Variants in LNP1 observed in about 807,000 individuals in gnomAD.
LNP1 encodes leukemia NUP98 fusion partner 1.
Under a neutral mutation model 14.5 loss-of-function variants are expected in LNP1, and 12 were observed. The observed-to-expected ratio is 0.83, with a 90% CI of 0.53 to 1.34. LNP1 has a LOEUF of 1.34. LNP1 is among the 40% of genes most tolerant of loss of function. The probability of loss-of-function intolerance (pLI) is 0.00; values close to 1 mark genes in which losing one functional copy is unlikely to be tolerated. For synonymous variants in LNP1, 75 were observed against 71.4 expected (o/e 1.05, Z -0.26); for missense variants, 198 against 210.9 (o/e 0.94, Z 0.38).
At chr3:100,405,919 C>T (rs1288759474) in intron 1 of LNP1, among the ~76,000 whole-genome samples, 1 of 152,174 alleles carries the variant, frequency 6.6e-6, no homozygotes, top group African/African-American at 2.4e-5. Flanking sequence ...AACATTTCTG[C>T]CCACCCATGC....
intron 1 of LNP1, among the ~76,000 whole-genome samples, chr3:100,417,371 C>T (rs74573932): frequency 1.7e-3 from 107 of 64,586 alleles, no homozygotes; most frequent in Admixed American, 2.3e-3. Flanking sequence ...TTTCTTTTTT[C>T]TTTTTTTTTT....
intron 2 of LNP1, among the ~76,000 whole-genome samples, chr3:100,450,237 C>G (rs1224241138): frequency 6.7e-6 from 1 of 148,940 alleles, no homozygotes; most frequent in Non-Finnish European, 1.5e-5. Context: ...AAAACAGAAA[C>G]AAACAACAAT....
intron 1 of LNP1, among the ~76,000 whole-genome samples, chr3:100,414,929 C>A (rs1707066423): frequency 6.6e-6 from 1 of 152,114 alleles, no homozygotes; most frequent in Admixed American, 6.5e-5. Context: ...TGGTTTTAAG[C>A]TGCTAAGTTT....
intron 1 of LNP1, among the ~76,000 whole-genome samples, chr3:100,402,741 A>G (rs1706924216): frequency 6.6e-6 from 1 of 151,912 alleles, no homozygotes; most frequent in Non-Finnish European, 1.5e-5. Context: ...AACATATTTG[A>G]AGTTTTTTTT....
chr3:100,431,159 A>G (rs1172491367), intron 2 of LNP1, among the ~76,000 whole-genome samples: 1 of 152,276 alleles, frequency 6.6e-6, no homozygotes, highest in Non-Finnish European at 1.5e-5. Context: ...ACTGTAATTT[A>G]CTATTTATGA....
intron 1 of LNP1, among the ~76,000 whole-genome samples, chr3:100,425,217 G>C (rs1344356438): frequency 6.6e-6 from 1 of 152,206 alleles, no homozygotes; most frequent in African/African-American, 2.4e-5. Flanking sequence ...CAGGTTAGCA[G>C]AGCCCCCAGT....
At chr3:100,411,175 G>C (rs1345233436) in intron 1 of LNP1, among the ~76,000 whole-genome samples, 3 of 152,162 alleles carry the variant, frequency 2.0e-5, no homozygotes, top group African/African-American at 7.2e-5. Flanking sequence ...TGTTACAAAA[G>C]CCATCACCTC....
rs777555762 is a variant in LNP1 at position 100,455,868 on chromosome 3, G to A, written c.479G>A (p.Arg160Lys). The A allele has an allele frequency of 1.2e-6, 2 of 1,614,008 alleles. No homozygotes were observed. The highest frequency in any genetic ancestry group is 8.5e-7 in the Non-Finnish European group (1 of 1,179,866). The change falls in exon 4 of 4, where the codon AGG becomes AAG. Residue 160 changes from arginine (R) to lysine (K), a missense_variant. Physicochemically the swap from Arg to Lys is conservative, Grantham distance 26. Transcript: ENST00000383693. ...RKKVEEERSS[R>K]KEEHGEAHMA... Reference sequence around the variant, plus strand: ...AAAGTAGAGGAAGAAAGGAGCTCTAGGAAAGAAGAGCATGGAGAAGCACAC... The same window carrying A: ...AAAGTAGAGGAAGAAAGGAGCTCTAAGAAAGAAGAGCATGGAGAAGCACAC...
At chr3:100,418,861 A>T (rs1576228128) in intron 1 of LNP1, among the ~76,000 whole-genome samples, 1 of 152,078 alleles carries the variant, frequency 6.6e-6, no homozygotes, top group African/African-American at 2.4e-5. Context: ...GGCTTTTTGT[A>T]CTCACTCAGT....
chr3:100,431,931 G>A (rs1707244986), intron 2 of LNP1, among the ~76,000 whole-genome samples: 1 of 142,690 alleles, frequency 7.0e-6, no homozygotes, highest in African/African-American at 2.6e-5. Flanking sequence ...AGAGGTCGAG[G>A]CTGCAGTGAA....
chr3:100,415,692 G>A (rs758385210), intron 1 of LNP1, among the ~76,000 whole-genome samples: 1 of 152,204 alleles, frequency 6.6e-6, no homozygotes, highest in African/African-American at 2.4e-5. Context: ...GGGCACCATC[G>A]CTTGTAATAG....
At position 100,455,903 on chromosome 3, in the gene LNP1, C is replaced by T. The variant is rs187160730; in HGVS notation, c.514C>T (p.Leu172=). 28 of 1,611,294 alleles carry T rather than the reference C, an allele frequency of 1.7e-5. No homozygotes were observed. The East Asian group carries it at 6.0e-4, about 35-fold the overall frequency. Residue 172 remains leucine, a synonymous_variant, in exon 4 of 4, where the codon CTG becomes TTG. Transcript: ENST00000383693. ...EEHGEAHMAP[L]FEKGPE ...GCATGGAGAAGCACACATGGCTCCC[C>T]TGTTTGAAAAAGGGCCTGAATAATA...
intron 2 of LNP1, among the ~76,000 whole-genome samples, chr3:100,445,800 C>A (rs546788880): frequency 2.0e-5 from 3 of 152,138 alleles, no homozygotes; most frequent in East Asian, 3.9e-4. Flanking sequence ...TCCCATATGC[C>A]ATTAACAGAC....
At chr3:100,418,767 C>T (rs909795717) in intron 1 of LNP1, among the ~76,000 whole-genome samples, 1 of 152,034 alleles carries the variant, frequency 6.6e-6, no homozygotes, top group Non-Finnish European at 1.5e-5. Context: ...AGTTTCTCCT[C>T]AGTGTGAGGC....
At chr3:100,453,375 A>G (rs2148909141) in intron 3 of LNP1, among the ~76,000 whole-genome samples, 1 of 151,770 alleles carries the variant, frequency 6.6e-6, no homozygotes, top group East Asian at 1.9e-4. Context: ...GAGGCCAGGA[A>G]TTTGAGACCA....
chr3:100,439,790 C>T (rs554378852), intron 2 of LNP1, among the ~76,000 whole-genome samples: 1 of 152,254 alleles, frequency 6.6e-6, no homozygotes, highest in East Asian at 1.9e-4. Context: ...TCCACAGCAC[C>T]TACTACCATG....
intron 1 of LNP1, among the ~76,000 whole-genome samples, chr3:100,413,275 C>T (rs1228141596): frequency 6.6e-6 from 1 of 152,122 alleles, no homozygotes; most frequent in Non-Finnish European, 1.5e-5. Context: ...GTTATTTTTT[C>T]CCCCCAATCC....
At chr3:100,407,813 ATTTTCATATAACCTGTC>A (rs1226533785) in intron 1 of LNP1, among the ~76,000 whole-genome samples, 1 of 151,610 alleles carries the variant, frequency 6.6e-6, no homozygotes, top group Non-Finnish European at 1.5e-5. Flanking sequence ...TCCTCTGTAT[ATTTTCATATAACCTGTC>A]TTCAAGTTTA....
At chr3:100,413,488 T>A (rs978761516) in intron 1 of LNP1, among the ~76,000 whole-genome samples, 1 of 152,250 alleles carries the variant, frequency 6.6e-6, no homozygotes, top group Non-Finnish European at 1.5e-5. Context: ...ATAGCTCATA[T>A]GTATATTTTT....
Sources: gnomAD v4.1 joint callset for allele counts (sites outside exome capture counted in the v4.1 genomes callset) on GRCh38, gnomAD v4.1.1 for gene constraint, MANE v1.5 for transcripts, NCBI Gene and HGNC (gene_info 2026-07-23, HGNC 2026-07-21) for gene names.